Variants in MYOZ2 observed in about 807,000 individuals in gnomAD.
MYOZ2 encodes myozenin 2.
MYOZ2 carries 19 observed loss-of-function variants against 25.4 expected under a neutral mutation model. That is an observed-to-expected ratio of 0.75 (90% confidence interval 0.52 to 1.10). The LOEUF (loss-of-function observed/expected upper bound fraction) is 1.10, where lower values mean the gene tolerates loss of function less well. Among genes scored for constraint, MYOZ2 ranks in the 50% least tolerant of loss-of-function variants. The pLI is 0.00. For missense variants in MYOZ2, 270 were observed against 317.9 expected (o/e 0.85, Z 1.15); for synonymous variants, 92 against 106.9 (o/e 0.86, Z 0.86).
At chr4:119,150,791 G>A (rs1741429549) in intron 2 of MYOZ2, 81 bp from the exon 3 acceptor site, 2 of 1,384,622 alleles carry the variant, frequency 1.4e-6, no homozygotes, top group Non-Finnish European at 2.0e-6. Flanking sequence ...GAAAGTGGTG[G>A]AATTTTAGAA....
chr4:119,185,960 C>G lies in MYOZ2; in HGVS notation c.561-6C>G. The G allele has an allele frequency of 1.9e-6, 3 of 1,606,770 alleles. No individual in the cohort carries two copies. Among genetic ancestry groups the G allele is most frequent in the Non-Finnish European group, 2.6e-6 (3 of 1,175,758 alleles). ...TGAGATCTGTTTTTTTTTTAATTTC[C>G]CACAGGGTTGCCACACCATTTGGAG... On this transcript the variant is annotated splice_polypyrimidine_tract_variant and splice_region_variant and intron_variant, in intron 5 of 5. Coordinates refer to ENST00000307128, the MANE Select transcript of MYOZ2 (RefSeq NM_016599.5).
chr4:119,160,679 A>G (rs1741688250), intron 4 of MYOZ2, among the ~76,000 whole-genome samples: 1 of 152,048 alleles, frequency 6.6e-6, no homozygotes, highest in South Asian at 2.1e-4. Flanking sequence ...TGGTATATTC[A>G]ACACACTTTT....
chr4:119,137,763 G>A (rs1741064813), intron 2 of MYOZ2, among the ~76,000 whole-genome samples: 1 of 152,110 alleles, frequency 6.6e-6, no homozygotes, highest in African/African-American at 2.4e-5. Flanking sequence ...TACCAGAACT[G>A]AATTCATACC....
chr4:119,137,977 AAC>A (rs1741070563), intron 2 of MYOZ2, among the ~76,000 whole-genome samples: 1 of 152,134 alleles, frequency 6.6e-6, no homozygotes, highest in Non-Finnish European at 1.5e-5. Context: ...CTAATCATAA[AAC>A]AGTCAGTCCA....
intron 2 of MYOZ2, among the ~76,000 whole-genome samples, chr4:119,145,697 C>T (rs756430835): frequency 6.6e-6 from 1 of 152,050 alleles, no homozygotes; most frequent in Non-Finnish European, 1.5e-5. Flanking sequence ...TTGTCTTTCT[C>T]TGGCTTTGGT....
Position 119,164,222 on chromosome 4 carries a change from C to A in MYOZ2, c.388C>A (p.Pro130Thr), listed in dbSNP as rs1741769924. The part of the protein sequence containing the change: ...PDNIAPGYSG[P>T]LKEIPPEKFN... ...ATATTTTTCCAAAGGATATTCTGGA[C>A]CACTGAAGGAAATTCCTCCTGAAAA... The change falls in exon 5 of 6, where the codon CCA becomes ACA. Residue 130 changes from proline to threonine, a missense_variant. Physicochemically the swap from Pro to Thr is conservative, Grantham distance 38 (BLOSUM62 -1). Transcript: ENST00000307128. 1 of 1,613,688 alleles carries A rather than the reference C, an allele frequency of 6.2e-7. No homozygotes were observed. Among genetic ancestry groups the A allele is most frequent in the Non-Finnish European group, 8.5e-7 (1 of 1,179,818 alleles).
chr4:119,151,536 T>C (rs1382960187), intron 3 of MYOZ2, among the ~76,000 whole-genome samples: 4 of 152,178 alleles, frequency 2.6e-5, no homozygotes, highest in Admixed American at 6.6e-5. Context: ...TACTCACTAA[T>C]GACAAAAACT....
chr4:119,154,892 A>C (rs6819196), intron 3 of MYOZ2, among the ~76,000 whole-genome samples: 5,183 of 148,394 alleles, frequency 0.035, 111 homozygotes, highest in Non-Finnish European at 0.043. Context: ...CACACACACA[A>C]TGCCTTTCTT....
chr4:119,171,029 C>T (rs1326519538), intron 5 of MYOZ2, among the ~76,000 whole-genome samples: 1 of 152,122 alleles, frequency 6.6e-6, no homozygotes, highest in East Asian at 1.9e-4. Context: ...AAATAAATAA[C>T]AGCAAACCTG....
chr4:119,165,885 G>A (rs1326531519), intron 5 of MYOZ2, among the ~76,000 whole-genome samples: 4 of 152,182 alleles, frequency 2.6e-5, no homozygotes, highest in Non-Finnish European at 4.4e-5. Flanking sequence ...ACACACTGGT[G>A]TGGTAATATT....
chr4:119,136,523 A>T lies in MYOZ2; in HGVS notation c.-3A>T. 6.2e-7 allele frequency: 1 copy of T among 1,613,284 alleles called. No individual in the cohort carries two copies. Among genetic ancestry groups the T allele is most frequent in the African/African-American group, 1.3e-5 (1 of 75,022 alleles). On this transcript the variant is annotated 5_prime_UTR_variant, in exon 2 of 6. Coordinates refer to ENST00000307128, the MANE Select transcript of MYOZ2 (RefSeq NM_016599.5). ...TTTGTTTTTAACAGGGAACAAAAAA[A>T]CCATGCTATCACATAATACTATGAT...
At chr4:119,158,828 A>G (rs1274497090) in intron 4 of MYOZ2, among the ~76,000 whole-genome samples, 2 of 152,206 alleles carry the variant, frequency 1.3e-5, no homozygotes, top group African/African-American at 4.8e-5. Flanking sequence ...CATTTTATAA[A>G]TTAAGACGTT....
At position 119,186,236 on chromosome 4, in the gene MYOZ2, A is replaced by G; in HGVS notation, c.*36A>G. The stretch of plus-strand genomic sequence containing the variant: ...GTATGTGCCACATAAAACTCTGAAT[A>G]TAAAAGTTGCTGTTCTACTATTTTA... On this transcript the variant is annotated 3_prime_UTR_variant, in exon 6 of 6. Coordinates refer to ENST00000307128, the MANE Select transcript of MYOZ2 (RefSeq NM_016599.5). 2 of 1,554,734 alleles carry G rather than the reference A, an allele frequency of 1.3e-6. No homozygotes were observed. Among genetic ancestry groups the G allele is most frequent in the Non-Finnish European group, 1.8e-6 (2 of 1,128,548 alleles).
intron 5 of MYOZ2, among the ~76,000 whole-genome samples, chr4:119,185,746 T>G (rs914668689): frequency 2.0e-5 from 3 of 152,252 alleles, no homozygotes; most frequent in African/African-American, 7.2e-5. Context: ...TCAATGAATT[T>G]GTTATCAATA....
At chr4:119,144,984 A>G (rs4267721) in intron 2 of MYOZ2, among the ~76,000 whole-genome samples, 89,661 of 151,924 alleles carry the variant, frequency 0.59, 28,746 homozygotes, top group Non-Finnish European at 0.72. Context: ...TTTATGGATC[A>G]TGATTTTGGT....
intron 5 of MYOZ2, among the ~76,000 whole-genome samples, chr4:119,175,810 C>T (rs544289531): frequency 6.6e-6 from 1 of 151,690 alleles, no homozygotes; most frequent in South Asian, 2.1e-4. Flanking sequence ...TGCATGGGGC[C>T]CCACATTTAT....
intron 5 of MYOZ2, among the ~76,000 whole-genome samples, chr4:119,171,763 C>T (rs1055767617): frequency 1.3e-5 from 2 of 148,922 alleles, no homozygotes; most frequent in African/African-American, 4.9e-5. Flanking sequence ...CATAATATTA[C>T]ACGAAGACTT....
At chr4:119,164,138 T>C (rs1741767088) in intron 4 of MYOZ2, 73 bp from the exon 5 acceptor site, 3 of 1,391,378 alleles carry the variant, frequency 2.2e-6, no homozygotes, top group Non-Finnish European at 3.1e-6. Flanking sequence ...AAATCAAACA[T>C]GGTAAAATGT....
intron 5 of MYOZ2, among the ~76,000 whole-genome samples, chr4:119,172,521 A>C (rs1741968084): frequency 6.6e-6 from 1 of 152,226 alleles, no homozygotes; most frequent in African/African-American, 2.4e-5. Flanking sequence ...GAGTGGTGCC[A>C]GCTGATCCAT....
Sources: allele counts gnomAD v4.1 joint callset (sites outside exome capture counted in the v4.1 genomes callset), GRCh38; gene constraint gnomAD v4.1.1; transcripts MANE v1.5; gene names NCBI Gene and HGNC (gene_info 2026-07-23, HGNC 2026-07-21).